The following NDE1 variants were observed in gnomAD, a reference collection of about 807,000 sequenced individuals.
NDE1 encodes nuclear distribution protein nudE homolog 1.
A neutral mutation model predicts 43.4 loss-of-function variants in NDE1; 28 were observed. The observed-to-expected ratio is 0.65, with a 90% CI of 0.48 to 0.89. The LOEUF (loss-of-function observed/expected upper bound fraction) is 0.89, where lower values mean the gene tolerates loss of function less well. Among genes scored for constraint, NDE1 ranks in the 40% least tolerant of loss-of-function variants. The pLI, the probability that NDE1 is intolerant of heterozygous loss-of-function variation, is 0.00. For missense variants in NDE1, 441 were observed against 434.1 expected (o/e 1.02, Z -0.14); for synonymous variants, 184 against 172.0 (o/e 1.07, Z -0.55).
chr16:15,694,254 G>C lies in NDE1; in HGVS notation c.793G>C (p.Gly265Arg). 6.2e-7 allele frequency: 1 copy of C among 1,613,478 alleles called. No homozygotes were observed. The highest frequency in any genetic ancestry group is 8.5e-7 in the Non-Finnish European group (1 of 1,179,822). ...TGTGGGAGACCTACTGCGGAAAGTC[G>C]GGGTAAGACCACACTTTCCTGGCGT... The part of the protein sequence containing the change: ...NIVGDLLRKV[G>R]ALESKLASCR... Residue 265 changes from glycine to arginine, a missense_variant and splice_region_variant, in exon 7 of 9, where the codon GGG becomes CGG. Gly to Arg is a moderately radical substitution (Grantham distance 125). Transcript: ENST00000396354.
intron 1 of NDE1, among the ~76,000 whole-genome samples, chr16:15,663,646 G>A (rs1442170967): frequency 6.6e-6 from 1 of 152,138 alleles, no homozygotes; most frequent in East Asian, 1.9e-4. Flanking sequence ...GGCACTGATA[G>A]AAATGTATTT....
At chr16:15,695,616 G>A in intron 7 of NDE1, 2 of 985,156 alleles carry the variant, frequency 2.0e-6, no homozygotes, top group Non-Finnish European at 2.4e-6. Flanking sequence ...ATTCTTTGTA[G>A]TTTATTTTTA....
chr16:15,667,116 C>T (rs1051335441), intron 2 of NDE1, among the ~76,000 whole-genome samples, 170 bp from the exon 3 acceptor site: 2 of 152,024 alleles, frequency 1.3e-5, no homozygotes, highest in African/African-American at 4.8e-5. Context: ...TGTGGTGCCG[C>T]ATGCCTGTAG....
chr16:15,671,998 C>A (rs993935527), intron 3 of NDE1, among the ~76,000 whole-genome samples: 3 of 151,832 alleles, frequency 2.0e-5, no homozygotes, highest in Non-Finnish European at 2.9e-5. Flanking sequence ...GATTATAGTT[C>A]CTAAATTGAA....
chr16:15,694,329 G>T (rs756826643), intron 7 of NDE1, 73 bp downstream of exon 7: 3 of 1,578,794 alleles, frequency 1.9e-6, no homozygotes, highest in Admixed American at 3.7e-5. Context: ...GGTTGATCTA[G>T]TTCCTTCCCT....
intron 4 of NDE1, chr16:15,686,313 C>A: frequency 1.1e-6 from 1 of 925,520 alleles, no homozygotes; most frequent in South Asian, 5.0e-5. Flanking sequence ...CTATTACTAT[C>A]CTTGTTTTGC....
chr16:15,677,477 T>G (rs2037941290), intron 3 of NDE1, among the ~76,000 whole-genome samples: 2 of 152,030 alleles, frequency 1.3e-5, no homozygotes, highest in Non-Finnish European at 2.9e-5. Context: ...TCCCAGCCAC[T>G]TGGGAGGCTG....
At chr16:15,714,421 C>A in intron 8 of NDE1, 1 of 190,816 alleles carries the variant, frequency 5.2e-6, no homozygotes, top group Non-Finnish European at 1.1e-5. Context: ...TGCTACTTTT[C>A]AGGGATCTTT....
intron 8 of NDE1, among the ~76,000 whole-genome samples, chr16:15,716,516 T>A (rs930476985): frequency 6.6e-6 from 1 of 151,026 alleles, no homozygotes. Flanking sequence ...TTTTTTGGGG[T>A]TTTTTTTGTG....
chr16:15,718,677 ACT>A (rs1215609678), intron 8 of NDE1: 5 of 594,726 alleles, frequency 8.4e-6, no homozygotes, highest in Non-Finnish European at 1.5e-5. Context: ...CTCCTCCCTG[ACT>A]CTTCCTGGCC....
At chr16:15,666,984 G>A (rs371177887) in intron 2 of NDE1, among the ~76,000 whole-genome samples, 9 of 152,124 alleles carry the variant, frequency 5.9e-5, no homozygotes, top group African/African-American at 2.2e-4. Context: ...AATGGCTAAC[G>A]CCTGTAATCC....
chr16:15,667,987 C>T (rs1431404845), intron 3 of NDE1, among the ~76,000 whole-genome samples: 2 of 146,894 alleles, frequency 1.4e-5, no homozygotes, highest in African/African-American at 5.0e-5. Context: ...TTTTTTGAAA[C>T]AGGGTCTTGC....
intron 8 of NDE1, chr16:15,704,020 C>G (rs781487785): frequency 3.1e-6 from 5 of 1,613,930 alleles, no homozygotes; most frequent in Non-Finnish European, 4.2e-6. Flanking sequence ...CCATTGAAGT[C>G]TGCGTCTCGA....
intron 8 of NDE1, chr16:15,703,195 T>A (rs957292127): frequency 4.9e-6 from 1 of 204,594 alleles, no homozygotes; most frequent in Non-Finnish European, 1.0e-5. Context: ...GTGTAAACAG[T>A]GCAGCATTCC....
intron 8 of NDE1, among the ~76,000 whole-genome samples, chr16:15,704,748 G>A (rs1193363571): frequency 6.6e-6 from 1 of 152,232 alleles, no homozygotes; most frequent in Non-Finnish European, 1.5e-5. Flanking sequence ...AGGGACTGCT[G>A]CATCTGTTTT....
intron 5 of NDE1, among the ~76,000 whole-genome samples, chr16:15,689,094 C>A (rs970489060): frequency 6.6e-6 from 1 of 151,964 alleles, no homozygotes; most frequent in Non-Finnish European, 1.5e-5. Context: ...AGTAGTTGTT[C>A]CTAGATGTCC....
upstream of NDE1, among the ~76,000 whole-genome samples, chr16:15,647,036 T>A (rs565525399): frequency 1.3e-5 from 2 of 152,208 alleles, no homozygotes; most frequent in South Asian, 4.1e-4. Flanking sequence ...GGCAACAGAG[T>A]GAAACTCTGT....
chr16:15,670,940 T>C (rs78342420), intron 3 of NDE1, among the ~76,000 whole-genome samples: 4,153 of 152,204 alleles, frequency 0.027, 79 homozygotes, highest in Non-Finnish European at 0.042. Context: ...AAGGTGGTCA[T>C]TGAAGCTGAA....
rs1177615503 is a variant in NDE1 at position 15,667,627 on chromosome 16, G to GTTTTT, written c.237+192_237+193insTTTTT. On this transcript the variant is annotated intron_variant, in intron 3 of 8. Transcript: ENST00000396354. ...GTGCCTCTAGTGGGTGGTGCTTTTT[G>GTTTTT]TTTTGTTTTTTTTTTTTTTTTGAGA... 3.5e-4 allele frequency among the ~76,000 whole-genome samples: 40 copies of GTTTTT among 113,136 alleles called. 1 individual carries two copies. The highest frequency in any genetic ancestry group is 4.9e-4 in the Admixed American group (5 of 10,130). 74.2% of individuals were successfully genotyped at this position (113,136 alleles called of 152,430 possible).
Sources: allele counts gnomAD v4.1 joint callset (sites outside exome capture counted in the v4.1 genomes callset), GRCh38; gene constraint gnomAD v4.1.1; transcripts MANE v1.5; gene names NCBI Gene and HGNC (gene_info 2026-07-23, HGNC 2026-07-21).